Variants in CDC42BPA observed in about 807,000 individuals in gnomAD.
CDC42BPA encodes the protein CDC42 binding protein kinase alpha, also known as serine/threonine-protein kinase MRCK alpha.
Under a neutral mutation model 223.5 loss-of-function variants are expected in CDC42BPA, and 80 were observed. The observed-to-expected ratio is 0.36, with a 90% CI of 0.30 to 0.43. CDC42BPA has a LOEUF of 0.43. Ranked by LOEUF, CDC42BPA falls within the 20% of genes least tolerant of loss-of-function variation. The pLI is 1.00. For synonymous variants in CDC42BPA, 694 were observed against 718.6 expected, an observed-to-expected ratio of 0.97 and a Z score of 0.55; for missense variants, 1,743 against 2,099.9, an observed-to-expected ratio of 0.83 and a Z score of 3.32.
At chr1:227,096,765 T>G (rs1335288535) in intron 15 of CDC42BPA, among the ~76,000 whole-genome samples, 1 of 152,212 alleles carries the variant, frequency 6.6e-6, no homozygotes, top group African/African-American at 2.4e-5. Flanking sequence ...AGGTGCTGTC[T>G]CTTCCCTCTC....
chr1:227,013,996 C>A (rs929728678), intron 34 of CDC42BPA, among the ~76,000 whole-genome samples: 12 of 151,908 alleles, frequency 7.9e-5, no homozygotes, highest in African/African-American at 2.9e-4. Flanking sequence ...TTAAAAAATT[C>A]TTTACGGTAT....
Position 227,023,284 on chromosome 1 carries a change from A to G in CDC42BPA, c.4594T>C (p.Tyr1532His), listed in dbSNP as rs1667716225. The part of the protein sequence containing the change: ...LLGLETIRLI[Y>H]FKNKMAEGDE... ...TTACCTGCCATCTTATTTTTGAAAT[A>G]TATTAATCTAATGGTCTCCAACCCT... The change falls in exon 32 of 37, where the codon TAT becomes CAT. Residue 1532 changes from tyrosine to histidine, a missense_variant. By Grantham distance (83) the Tyr-to-His change is moderately conservative. Coordinates refer to ENST00000366766, the MANE Select transcript of CDC42BPA (RefSeq NM_001394014.1). 6.7e-7 allele frequency: 1 copy of G among 1,496,304 alleles called. No individual in the cohort carries two copies. Among genetic ancestry groups the G allele is most frequent in the South Asian group, 1.2e-5 (1 of 85,250 alleles). The allele number at this position is 1,496,304 out of a possible 1,614,324, so 92.7% of individuals were successfully genotyped here.
At chr1:227,284,218 C>T (rs1054235712) in intron 1 of CDC42BPA, among the ~76,000 whole-genome samples, 3 of 151,996 alleles carry the variant, frequency 2.0e-5, no homozygotes, top group African/African-American at 7.3e-5. Context: ...TATTTTATAA[C>T]TAAAAATATA....
chr1:227,237,933 G>A (rs756770363), intron 2 of CDC42BPA, among the ~76,000 whole-genome samples: 7 of 151,510 alleles, frequency 4.6e-5, no homozygotes, highest in Non-Finnish European at 8.8e-5. Flanking sequence ...CAACTACTCG[G>A]GAGGCTAAGA....
At chr1:227,071,111 T>C (rs974346753) in intron 20 of CDC42BPA, among the ~76,000 whole-genome samples, 1 of 151,954 alleles carries the variant, frequency 6.6e-6, no homozygotes, top group African/African-American at 2.4e-5. Context: ...CTCCTTCCTT[T>C]TGTTGTTAAT....
chr1:227,029,264 G>A lies in CDC42BPA; in HGVS notation c.3839-14C>T. ...CTCTAATAATTTCTAAACACAGAAA[G>A]AATAATAAATCAAAATATAGTTTTA... On this transcript the variant is annotated splice_polypyrimidine_tract_variant and intron_variant, in intron 29 of 36. Coordinates refer to ENST00000366766, the MANE Select transcript of CDC42BPA (RefSeq NM_001394014.1). 6.8e-7 allele frequency: 1 copy of A among 1,469,662 alleles called. No individual in the cohort carries two copies. The highest frequency in any genetic ancestry group is 9.2e-7 in the Non-Finnish European group (1 of 1,084,500). 91.0% of individuals were successfully genotyped at this position (1,469,662 alleles called of 1,614,324 possible). A position where few individuals can be genotyped will look rare whatever the true frequency, so the allele number is the denominator to read the frequency against.
intron 15 of CDC42BPA, among the ~76,000 whole-genome samples, chr1:227,096,799 C>G (rs1684085236): frequency 6.6e-6 from 1 of 152,184 alleles, no homozygotes; most frequent in Non-Finnish European, 1.5e-5. Context: ...TGAGTTAGCT[C>G]ATCAATGACA....
intron 6 of CDC42BPA, among the ~76,000 whole-genome samples, chr1:227,149,113 G>A (rs1358343832): frequency 6.6e-6 from 1 of 152,172 alleles, no homozygotes; most frequent in African/African-American, 2.4e-5. Flanking sequence ...TATACTGTAA[G>A]AAAAACGGTA....
chr1:227,234,124 T>G (rs1369022255), intron 2 of CDC42BPA: 1 of 152,106 alleles, frequency 6.6e-6, no homozygotes, highest in Non-Finnish European at 1.5e-5. Flanking sequence ...CATGGCATCT[T>G]CAGGCTCAGG....
At chr1:227,091,665 T>C (rs2149244511) in intron 16 of CDC42BPA, among the ~76,000 whole-genome samples, 1 of 152,202 alleles carries the variant, frequency 6.6e-6, no homozygotes, top group Middle Eastern at 3.4e-3. Context: ...CAAAAAAATA[T>C]ATGGGACAAA....
intron 17 of CDC42BPA, 21 bp downstream of exon 17, chr1:227,080,872 A>C (rs1680486712): frequency 6.2e-7 from 1 of 1,612,636 alleles, no homozygotes. Context: ...TCCACAAAAA[A>C]ACGTTTAAAA....
At chr1:227,154,898 A>C (rs1662441930) in intron 6 of CDC42BPA, among the ~76,000 whole-genome samples, 1 of 152,172 alleles carries the variant, frequency 6.6e-6, no homozygotes. Context: ...GCTAATTCTA[A>C]CAATCACATA....
At chr1:227,096,615 C>A (rs1240247495) in intron 15 of CDC42BPA, among the ~76,000 whole-genome samples, 1 of 152,220 alleles carries the variant, frequency 6.6e-6, no homozygotes, top group Non-Finnish European at 1.5e-5. Flanking sequence ...CACTCTTGCC[C>A]TCTTGACATG....
At chr1:227,130,778 C>T (rs1656926256) in intron 10 of CDC42BPA, among the ~76,000 whole-genome samples, 1 of 152,138 alleles carries the variant, frequency 6.6e-6, no homozygotes, top group African/African-American at 2.4e-5. Flanking sequence ...ACGCTTGAAC[C>T]TGGGAGGCAG....
chr1:227,210,242 T>C (rs1339251184), intron 3 of CDC42BPA, among the ~76,000 whole-genome samples: 2 of 152,174 alleles, frequency 1.3e-5, no homozygotes, highest in Non-Finnish European at 2.9e-5. Context: ...TACCCAGTAA[T>C]GGGATGACTG....
At chr1:227,021,473 C>A (rs546339733) in intron 32 of CDC42BPA, among the ~76,000 whole-genome samples, 1 of 152,190 alleles carries the variant, frequency 6.6e-6, no homozygotes, top group South Asian at 2.1e-4. Context: ...GGAGTCTTAC[C>A]ATAGACTTCT....
intron 2 of CDC42BPA, among the ~76,000 whole-genome samples, chr1:227,219,058 A>C (rs1207584892): frequency 6.6e-6 from 1 of 152,188 alleles, no homozygotes; most frequent in African/African-American, 2.4e-5. Context: ...TACAGACTGA[A>C]GACTAGCACC....
chr1:227,099,724 C>T (rs1684652858), intron 15 of CDC42BPA, among the ~76,000 whole-genome samples: 1 of 152,106 alleles, frequency 6.6e-6, no homozygotes, highest in Non-Finnish European at 1.5e-5. Flanking sequence ...TCTTTTCACA[C>T]ATCTGTATAA....
At chr1:227,172,558 G>T (rs6426579) in intron 5 of CDC42BPA, among the ~76,000 whole-genome samples, 103,443 of 151,844 alleles carry the variant, frequency 0.68, 35,469 homozygotes, top group South Asian at 0.73. Flanking sequence ...TTCAGCAAAT[G>T]AGAAAAAGAA....
Sources: gnomAD v4.1 joint callset for allele counts (sites outside exome capture counted in the v4.1 genomes callset) on GRCh38, gnomAD v4.1.1 for gene constraint, MANE v1.5 for transcripts, NCBI Gene and HGNC (gene_info 2026-07-23, HGNC 2026-07-21) for gene names.